The following SIGLEC6 variants were observed in gnomAD, a reference collection of about 807,000 sequenced individuals.
The protein encoded by SIGLEC6 is sialic acid binding Ig like lectin 6, also known as sialic acid-binding Ig-like lectin 6.
A neutral mutation model predicts 41.4 loss-of-function variants in SIGLEC6; 31 were observed. That is an observed-to-expected ratio of 0.75 (90% CI 0.56 to 1.01). The LOEUF (loss-of-function observed/expected upper bound fraction) is 1.01, where lower values mean the gene tolerates loss of function less well. Ranked by LOEUF, SIGLEC6 falls within the 50% of genes least tolerant of loss-of-function variation. The pLI is 0.00. For synonymous variants in SIGLEC6, 217 were observed against 231.0 expected (o/e 0.94, Z 0.55); for missense variants, 555 against 558.6 (o/e 0.99, Z 0.06).
chr19:51,529,148 G>T (rs1979754847), intron 5 of SIGLEC6, among the ~76,000 whole-genome samples: 2 of 152,178 alleles, frequency 1.3e-5, no homozygotes, highest in Admixed American at 1.3e-4. Flanking sequence ...AGAAGCCAGG[G>T]AAGGAGCATG....
chr19:51,520,319 A>G, intron 7 of SIGLEC6, 64 bp from the exon 8 acceptor site: 3 of 1,192,718 alleles, frequency 2.5e-6, no homozygotes, highest in Non-Finnish European at 3.5e-6. Context: ...GCAGCCAAGG[A>G]TCAGAAAGGG....
rs756960108 is a variant in SIGLEC6 at position 51,530,523 on chromosome 19, G to A, written c.707-39C>T. On this transcript the variant is annotated intron_variant, in intron 3 of 7. Transcript: ENST00000425629. ...AGGTGGCCGCCTCAACATCCCTGAG[G>A]AGGGATGGTAGGCATGGGGCCTTCC... 15 of 1,612,426 alleles carry A rather than the reference G, an allele frequency of 9.3e-6. No homozygotes were observed. The East Asian group carries it at 3.1e-4, about 34-fold the overall frequency.
chr19:51,531,439 G>C lies in SIGLEC6; in HGVS notation c.148C>G (p.Pro50Ala). The change falls in exon 2 of 8, where the codon CCC (proline) becomes GCC (alanine). Residue 50 changes from proline (P) to alanine (A), a missense_variant. By Grantham distance (27) the Pro-to-Ala change is conservative. Transcript: ENST00000425629. ...TVQEGLCVLV[P>A]CRLPTTLPAS... ...GGAAGGGTAGTGGGCAATCTGCAGG[G>C]TACGAGGACGCACAGACCCTCCTGC... 2 of 1,614,104 alleles carry C rather than the reference G, an allele frequency of 1.2e-6. No homozygotes were observed. The highest frequency in any genetic ancestry group is 1.7e-6 in the Non-Finnish European group (2 of 1,180,002).
At chr19:51,525,396 G>A (rs771103968) in intron 7 of SIGLEC6, among the ~76,000 whole-genome samples, 1 of 152,108 alleles carries the variant, frequency 6.6e-6, no homozygotes, top group Non-Finnish European at 1.5e-5. Flanking sequence ...ACTATCACTG[G>A]CCTCCAACAC....
chr19:51,517,907 G>A lies in SIGLEC6; in HGVS notation c.*2175C>T, dbSNP rs1468370309. On this transcript the variant is annotated 3_prime_UTR_variant, in exon 8 of 8. Transcript: ENST00000425629. Reference sequence around the variant, plus strand: ...CTATTTACACTCTTCTGAACTTTATGTTATTATAGTTTCTGGGCTATATAA... The same window carrying A: ...CTATTTACACTCTTCTGAACTTTATATTATTATAGTTTCTGGGCTATATAA... Among the ~76,000 whole-genome samples the A allele has an allele frequency of 6.6e-6, 1 of 151,990 alleles. No homozygotes were observed. Among genetic ancestry groups the A allele is most frequent in the African/African-American group, 2.4e-5 (1 of 41,390 alleles).
At chr19:51,528,380 C>T in intron 5 of SIGLEC6, 127 bp from the exon 6 acceptor site, 2 of 764,870 alleles carry the variant, frequency 2.6e-6, no homozygotes, top group Non-Finnish European at 4.4e-6. Context: ...ATTTCACTGC[C>T]CTGTGAACCC....
chr19:51,530,031 C>T (rs751634247), intron 4 of SIGLEC6, 50 bp from the exon 5 acceptor site: 1 of 1,527,006 alleles, frequency 6.5e-7, no homozygotes, highest in South Asian at 1.3e-5. Flanking sequence ...AGGGGCAAAG[C>T]ACTGGTGTCC....
Position 51,531,374 on chromosome 19 carries a change from C to A in SIGLEC6, c.213G>T (p.Gly71=). 6.2e-7 allele frequency: 1 copy of A among 1,614,164 alleles called. No homozygotes were observed. The highest frequency in any genetic ancestry group is 8.5e-7 in the Non-Finnish European group (1 of 1,180,018). The part of the protein sequence containing the change: ...YYGYGYWFLE[G]ADVPVATNDP... ...CGTTTGTGGCCACTGGAACATCAGC[C>A]CCTTCCAGGAACCAGTAGCCATAAC... The change falls in exon 2 of 8, where the codon GGG becomes GGT. Residue 71 remains glycine, a synonymous_variant. Transcript: ENST00000425629.
chr19:51,522,156 C>T lies in SIGLEC6; in HGVS notation c.1189-1901G>A, dbSNP rs77773334. On this transcript the variant is annotated intron_variant, in intron 7 of 7. Transcript: ENST00000425629. ...GAGTGAAAGGCTGAAAGCCTGGGTA[C>T]GTGCTGCTGGAGAAGGAACAGCTAT... Among the ~76,000 whole-genome samples the T allele has an allele frequency of 4.9e-4, 74 of 152,340 alleles. No homozygotes were observed. In the East Asian group the frequency reaches 9.5e-3, roughly 19 times the overall value.
At position 51,530,979 on chromosome 19, in the gene SIGLEC6, GCAGGAT is replaced by G. The variant is rs1568557640; in HGVS notation, c.428-26_428-21del. 4.4e-6 allele frequency: 7 copies of G among 1,606,058 alleles called. No individual in the cohort carries two copies. Among genetic ancestry groups the G allele is most frequent in the Non-Finnish European group, 5.9e-6 (7 of 1,179,028 alleles). On this transcript the variant is annotated intron_variant, in intron 2 of 7. Coordinates refer to ENST00000425629, the MANE Select transcript of SIGLEC6 (RefSeq NM_001245.7). ...TCAGGGCTGGTGAGGAGATGGGGAC[GCAGGAT>G]CAGGATGGAGGTCTGAGGTTTCACC...
chr19:51,531,069 A>G, intron 2 of SIGLEC6, 91 bp downstream of exon 2: 1 of 1,556,408 alleles, frequency 6.4e-7, no homozygotes, highest in African/African-American at 1.4e-5. Context: ...GCTTAATTGT[A>G]CCCGCCTCCC....
intron 7 of SIGLEC6, among the ~76,000 whole-genome samples, chr19:51,525,056 C>T (rs934113632): frequency 6.6e-6 from 1 of 152,202 alleles, no homozygotes; most frequent in African/African-American, 2.4e-5. Flanking sequence ...GGCCTTGGAC[C>T]TATGAGCAGC....
intron 4 of SIGLEC6, 21 bp downstream of exon 4, chr19:51,530,416 A>AC (rs774475887): frequency 1.9e-6 from 3 of 1,611,362 alleles, no homozygotes; most frequent in Non-Finnish European, 2.5e-6. Flanking sequence ...CCTGGAGAGA[A>AC]CAGGACTGGC....
chr19:51,526,611 G>A (rs1979273809), intron 7 of SIGLEC6, among the ~76,000 whole-genome samples: 1 of 152,156 alleles, frequency 6.6e-6, no homozygotes, highest in Admixed American at 6.5e-5. Flanking sequence ...ACCAGTGCAA[G>A]GACTCTGGCA....
chr19:51,531,265 T>G lies in SIGLEC6; in HGVS notation c.322A>C (p.Ile108Leu), dbSNP rs1184525281. ...DPRRKNCSLSIRDARRRDNAA... is the reference protein window; with the variant it reads ...DPRRKNCSLSLRDARRRDNAA... ...TTGTCCCTCCTCCGGGCATCTCTGA[T>G]GCTCAGGGAGCAGTTCTTCCTTCTG... The change falls in exon 2 of 8, where the codon ATC (isoleucine) becomes CTC (leucine). Residue 108 changes from isoleucine (I) to leucine (L), a missense_variant. Physicochemically the swap from Ile to Leu is conservative, Grantham distance 5. Coordinates refer to ENST00000425629, the MANE Select transcript of SIGLEC6 (RefSeq NM_001245.7). 1 of 1,614,164 alleles carries G rather than the reference T, an allele frequency of 6.2e-7. No homozygotes were observed. The highest frequency in any genetic ancestry group is 8.5e-7 in the Non-Finnish European group (1 of 1,180,006).
rs181129926 is a variant in SIGLEC6, at chr19:51,521,970, T to C, written c.1189-1715A>G. ...AAATTCAAGCAGAACACAAGAGTCT[T>C]ATGAAACTGTGGAGGCAGCAACTGC... On this transcript the variant is annotated intron_variant, in intron 7 of 7. Coordinates refer to ENST00000425629, the MANE Select transcript of SIGLEC6 (RefSeq NM_001245.7). 3.9e-5 allele frequency among the ~76,000 whole-genome samples: 6 copies of C among 152,244 alleles called. No homozygotes were observed. The East Asian group carries it at 1.2e-3, about 29-fold the overall frequency.
chr19:51,528,648 G>A (rs1979640979), intron 5 of SIGLEC6, among the ~76,000 whole-genome samples: 1 of 152,232 alleles, frequency 6.6e-6, no homozygotes, highest in South Asian at 2.1e-4. Flanking sequence ...TCCTGGATCA[G>A]GGTGAGCCCT....
intron 7 of SIGLEC6, among the ~76,000 whole-genome samples, chr19:51,522,539 C>A (rs1301003819): frequency 2.6e-5 from 4 of 152,170 alleles, no homozygotes; most frequent in Admixed American, 1.3e-4. Flanking sequence ...AATCCCAGAA[C>A]TTTGGGAGGC....
At chr19:51,522,380 C>G (rs62116205) in intron 7 of SIGLEC6, among the ~76,000 whole-genome samples, 9,836 of 152,130 alleles carry the variant, frequency 0.065, 361 homozygotes, top group South Asian at 0.13. Flanking sequence ...ACTACCTATG[C>G]GAAGAAGCTG....
Sources: allele counts gnomAD v4.1 joint callset (sites outside exome capture counted in the v4.1 genomes callset), GRCh38; gene constraint gnomAD v4.1.1; transcripts MANE v1.5; gene names NCBI Gene and HGNC (gene_info 2026-07-23, HGNC 2026-07-21).